Variants in EPB41L1 observed in about 807,000 individuals in gnomAD.
The protein encoded by EPB41L1 is erythrocyte membrane protein band 4.1 like 1.
Under a neutral mutation model 97.8 loss-of-function variants are expected in EPB41L1, and 29 were observed. That is an observed-to-expected ratio of 0.30 (90% CI 0.22 to 0.40). EPB41L1 has a LOEUF of 0.40. EPB41L1 is among the 10% of genes least tolerant of loss of function. EPB41L1 has a pLI of 1.00. For synonymous variants in EPB41L1, 383 were observed against 459.2 expected (o/e 0.83, Z 2.12); for missense variants, 812 against 1,162.3 (o/e 0.70, Z 4.38).
intron 2 of EPB41L1, among the ~76,000 whole-genome samples, chr20:36,136,138 G>A (rs1397038179): frequency 1.3e-5 from 2 of 151,952 alleles, no homozygotes; most frequent in East Asian, 1.9e-4. Flanking sequence ...TTTCAAAATT[G>A]TGGTAAAATA....
At chr20:36,213,572 C>T (rs1345123325) in intron 16 of EPB41L1, among the ~76,000 whole-genome samples, 1 of 152,098 alleles carries the variant, frequency 6.6e-6, no homozygotes, top group Admixed American at 6.6e-5. Context: ...CAAGCTGCTT[C>T]CCCCACTGAC....
intron 1 of EPB41L1, among the ~76,000 whole-genome samples, chr20:36,169,303 G>A (rs980701551): frequency 6.6e-6 from 1 of 152,094 alleles, no homozygotes; most frequent in Non-Finnish European, 1.5e-5. Flanking sequence ...GCAAGCATTG[G>A]CACTAGGCTT....
chr20:36,100,779 T>C (rs372287868), intron 1 of EPB41L1, among the ~76,000 whole-genome samples: 4 of 152,144 alleles, frequency 2.6e-5, no homozygotes, highest in African/African-American at 9.7e-5. Context: ...TTTGCTCAAA[T>C]TCAGAGAACA....
chr20:36,097,847 G>A lies in EPB41L1; in HGVS notation c.-65+6235G>A, dbSNP rs985358832. On this transcript the variant is annotated intron_variant, in intron 1 of 19. Coordinates refer to the EPB41L1 transcript ENST00000202028. ...GGAGGAGTGAATGACTGGAGATAAA[G>A]CTGAGAGGAAGATTAGGGACAGATC... 2.6e-5 allele frequency among the ~76,000 whole-genome samples: 4 copies of A among 152,242 alleles called. No individual in the cohort carries two copies. The South Asian group carries it at 6.2e-4, about 24-fold the overall frequency.
chr20:36,124,740 G>A (rs1469858463), intron 2 of EPB41L1, among the ~76,000 whole-genome samples: 2 of 152,152 alleles, frequency 1.3e-5, no homozygotes, highest in East Asian at 1.9e-4. Context: ...GTGGCATGGC[G>A]CACAGTAGGT....
At chr20:36,103,776 C>T (rs1223988063) in intron 1 of EPB41L1, among the ~76,000 whole-genome samples, 2 of 149,084 alleles carry the variant, frequency 1.3e-5, no homozygotes, top group Non-Finnish European at 3.0e-5. Context: ...TGATCCAGCT[C>T]ACTACAAGCT....
At chr20:36,175,464 C>G in intron 2 of EPB41L1, 87 bp from the exon 3 acceptor site, 1 of 1,522,850 alleles carries the variant, frequency 6.6e-7, no homozygotes, top group Non-Finnish European at 9.1e-7. Flanking sequence ...GTCTTGGCCC[C>G]AGATGCCTCT....
chr20:36,199,073 G>T (rs2062357976), intron 14 of EPB41L1, among the ~76,000 whole-genome samples: 1 of 152,186 alleles, frequency 6.6e-6, no homozygotes, highest in Admixed American at 6.5e-5. Flanking sequence ...GATAAAGAAA[G>T]CATGTTTCAA....
intron 1 of EPB41L1, among the ~76,000 whole-genome samples, chr20:36,166,353 T>C (rs1041821816): frequency 5.2e-5 from 8 of 152,388 alleles, no homozygotes; most frequent in Admixed American, 6.5e-5. Context: ...TTACCCATTA[T>C]AGGTTATTGT....
chr20:36,220,374 T>G (rs1242399508), intron 19 of EPB41L1, among the ~76,000 whole-genome samples: 2 of 152,126 alleles, frequency 1.3e-5, no homozygotes, highest in Non-Finnish European at 1.5e-5. Flanking sequence ...CTGCTGGATG[T>G]AGCAGTAAGT....
chr20:36,180,384 C>T (rs187588326), intron 5 of EPB41L1, among the ~76,000 whole-genome samples: 3 of 152,316 alleles, frequency 2.0e-5, no homozygotes, highest in East Asian at 3.9e-4. Flanking sequence ...CAAAGTAGGG[C>T]ACCTGGGACA....
chr20:36,196,955 T>C (rs2062233849), intron 13 of EPB41L1, among the ~76,000 whole-genome samples: 1 of 152,210 alleles, frequency 6.6e-6, no homozygotes, highest in South Asian at 2.1e-4. Context: ...GGTAGAATCC[T>C]ACAACTCTGG....
chr20:36,171,076 A>T (rs937697864), intron 1 of EPB41L1, among the ~76,000 whole-genome samples: 1 of 151,120 alleles, frequency 6.6e-6, no homozygotes, highest in Admixed American at 6.6e-5. Flanking sequence ...TGGGCCCACA[A>T]GGGGTCATGT....
At position 36,195,689 on chromosome 20, in the gene EPB41L1, C is replaced by T. The variant is rs2146479521; in HGVS notation, c.1485+325C>T. Among the ~76,000 whole-genome samples, 1 of 152,318 alleles carries T rather than the reference C, an allele frequency of 6.6e-6. No individual in the cohort carries two copies. Among genetic ancestry groups the T allele is most frequent in the East Asian group, 1.9e-4 (1 of 5,188 alleles). ...GACCATCCCACCTGCACCACCAGCT[C>T]TTCCAGGCCATTCTGTGCTTTCATT... On this transcript the variant is annotated intron_variant, in intron 13 of 21. Transcript: ENST00000338074. The surrounding 1 kb of genome is among the most constrained non-coding windows in gnomAD (Gnocchi z 4.6).
chr20:36,150,859 T>G (rs1053649198), upstream of EPB41L1: 10 of 152,352 alleles, frequency 6.6e-5, no homozygotes, highest in African/African-American at 2.4e-4. Flanking sequence ...TTCCCCAGTG[T>G]CCAGGGCCTG....
chr20:36,173,546 G>A (rs544630347), intron 1 of EPB41L1, among the ~76,000 whole-genome samples: 55 of 152,130 alleles, frequency 3.6e-4, no homozygotes, highest in Non-Finnish European at 6.2e-4. Context: ...GCAGACACAG[G>A]GTGGGAGGGG....
intron 1 of EPB41L1, among the ~76,000 whole-genome samples, chr20:36,098,753 T>C (rs1486430559): frequency 6.6e-6 from 1 of 152,070 alleles, no homozygotes; most frequent in Non-Finnish European, 1.5e-5. Context: ...TGCAGGAAGT[T>C]GGGGAGGAGT....
intron 1 of EPB41L1, chr20:36,091,932 C>G (rs1032242554): frequency 1.3e-5 from 2 of 152,240 alleles, no homozygotes; most frequent in African/African-American, 4.8e-5. Flanking sequence ...CCTAAAGGAG[C>G]GCCTATACGG....
intron 6 of EPB41L1, among the ~76,000 whole-genome samples, chr20:36,183,058 A>G (rs2061534802): frequency 6.6e-6 from 1 of 152,184 alleles, no homozygotes. Flanking sequence ...ATGAGTGCAA[A>G]GCATCCTTCA....
Sources: allele counts gnomAD v4.1 joint callset (sites outside exome capture counted in the v4.1 genomes callset), GRCh38; gene constraint gnomAD v4.1.1; non-coding constraint Gnocchi (gnomAD v3.1); transcripts MANE v1.5; gene names NCBI Gene and HGNC (gene_info 2026-07-23, HGNC 2026-07-21).